Variants in OVOL2 observed in about 807,000 individuals in gnomAD.
OVOL2 encodes the protein transcription factor Ovo-like 2.
OVOL2 carries 13 observed loss-of-function variants against 18.1 expected under a neutral mutation model. That is an observed-to-expected ratio of 0.72 (90% confidence interval 0.47 to 1.14). The LOEUF is 1.14. OVOL2 is among the 50% of genes most tolerant of loss of function. The pLI, the probability that OVOL2 is intolerant of heterozygous loss-of-function variation, is 0.00. For missense variants in OVOL2, 335 were observed against 383.0 expected, an observed-to-expected ratio of 0.87 and a Z score of 1.05; for synonymous variants, 166 against 162.7, an observed-to-expected ratio of 1.02 and a Z score of -0.16.
intron 3 of OVOL2, among the ~76,000 whole-genome samples, chr20:18,027,034 T>C (rs990247827): frequency 6.6e-6 from 1 of 152,040 alleles, no homozygotes; most frequent in African/African-American, 2.4e-5. Context: ...CATCTGGACC[T>C]CAAATCTCAG....
chr20:18,031,166 GGCCACCGAAGA>G (rs2122692976), intron 3 of OVOL2, among the ~76,000 whole-genome samples: 1 of 152,330 alleles, frequency 6.6e-6, no homozygotes, highest in African/African-American at 2.4e-5. Context: ...GTGAGTCCAA[GGCCACCGAAGA>G]GCCAGGCTGC....
chr20:18,048,981 T>C (rs1360003495), intron 2 of OVOL2, among the ~76,000 whole-genome samples: 1 of 152,154 alleles, frequency 6.6e-6, no homozygotes, highest in Non-Finnish European at 1.5e-5. Flanking sequence ...ATTAACACTT[T>C]GCAAAAGGCT....
chr20:18,029,529 T>A (rs934118478), intron 3 of OVOL2, among the ~76,000 whole-genome samples: 1 of 152,122 alleles, frequency 6.6e-6, no homozygotes, highest in Non-Finnish European at 1.5e-5. Context: ...GGAGAGACGG[T>A]CTGGAGGGTG....
At chr20:18,038,311 T>C (rs1600441522) in intron 3 of OVOL2, among the ~76,000 whole-genome samples, 2 of 152,342 alleles carry the variant, frequency 1.3e-5, no homozygotes, top group African/African-American at 4.8e-5. Flanking sequence ...ACTTACAATA[T>C]AAGAAGCACT....
intron 2 of OVOL2, among the ~76,000 whole-genome samples, chr20:18,047,755 G>C (rs2036735712): frequency 6.9e-6 from 1 of 145,384 alleles, no homozygotes; most frequent in Non-Finnish European, 1.5e-5. Flanking sequence ...TTGGAAGGCT[G>C]AGGCAGGAGA....
intron 3 of OVOL2, among the ~76,000 whole-genome samples, chr20:18,033,965 C>T (rs1038376722): frequency 1.3e-5 from 2 of 152,152 alleles, no homozygotes; most frequent in African/African-American, 4.8e-5. Flanking sequence ...TTTTCACAGG[C>T]TATGAACTGA....
intron 3 of OVOL2, among the ~76,000 whole-genome samples, chr20:18,026,844 C>T (rs1256329867): frequency 5.3e-5 from 8 of 152,082 alleles, no homozygotes; most frequent in African/African-American, 1.9e-4. Flanking sequence ...CAGCACCCTA[C>T]ACTGGCGAAG....
At chr20:18,037,347 C>T (rs2036625227) in intron 3 of OVOL2, among the ~76,000 whole-genome samples, 1 of 152,196 alleles carries the variant, frequency 6.6e-6, no homozygotes. Flanking sequence ...CTGGTTTCCT[C>T]CTCTGCAAAA....
intron 3 of OVOL2, among the ~76,000 whole-genome samples, chr20:18,040,864 G>C (rs939808917): frequency 1.3e-5 from 2 of 152,186 alleles, no homozygotes; most frequent in African/African-American, 4.8e-5. Context: ...TGTCCCAAGA[G>C]AGAAGTATAA....
chr20:18,025,072 G>A, intron 3 of OVOL2, 120 bp from the exon 4 acceptor site: 1 of 1,195,764 alleles, frequency 8.4e-7, no homozygotes, highest in Non-Finnish European at 1.2e-6. Flanking sequence ...GAGGACAATG[G>A]TTACAGCAGG....
intron 3 of OVOL2, among the ~76,000 whole-genome samples, chr20:18,029,479 C>T (rs951060773): frequency 6.6e-6 from 1 of 152,180 alleles, no homozygotes; most frequent in Admixed American, 6.5e-5. Flanking sequence ...TTGGCATATG[C>T]ACGGATGTAC....
chr20:18,032,511 A>T (rs564595726), intron 3 of OVOL2, among the ~76,000 whole-genome samples: 94 of 151,800 alleles, frequency 6.2e-4, no homozygotes, highest in African/African-American at 2.1e-3. Flanking sequence ...TATTATTATT[A>T]TTATTATTAT....
Position 18,057,415 on chromosome 20 carries a change from C to G in OVOL2, c.100+120G>C. On this transcript the variant is annotated intron_variant, in intron 1 of 3. Transcript: ENST00000278780. The surrounding 1 kb of genome is among the most constrained non-coding windows in gnomAD (Gnocchi z 6.3). ...AACCCGCCTAGAAGACCCCCGCGTG[C>G]CCCCCGGAAGAGGGGGATGAGGTGG... 1 of 1,170,286 alleles carries G rather than the reference C, an allele frequency of 8.5e-7. No individual in the cohort carries two copies. Among genetic ancestry groups the G allele is most frequent in the Non-Finnish European group, 1.2e-6 (1 of 839,284 alleles). 72.5% of individuals were successfully genotyped at this position (1,170,286 alleles called of 1,614,324 possible). A position where few individuals can be genotyped will look rare whatever the true frequency, so the allele number is the denominator to read the frequency against.
rs1427614491 is a variant in OVOL2 at position 18,056,734 on chromosome 20, G to A, written c.244C>T (p.Pro82Ser). 1.3e-6 allele frequency: 2 copies of A among 1,483,338 alleles called. No individual in the cohort carries two copies. The highest frequency in any genetic ancestry group is 8.9e-7 in the Non-Finnish European group (1 of 1,124,064). 91.9% of individuals were successfully genotyped at this position (1,483,338 alleles called of 1,614,324 possible). ...GGGCCCTCGGCGTCGCCGGGCTCGG[G>A]GGTTTCGCTCTCGGGGGCGTGCGGG... ...SSPHAPESET[P>S]EPGDAEGPDG... Residue 82 changes from proline (P) to serine (S), a missense_variant, in exon 2 of 4, where the codon CCC (proline) becomes TCC (serine). Transcript: ENST00000278780. The surrounding 1 kb of genome is among the most constrained non-coding windows in gnomAD (Gnocchi z 4.2).
Position 18,024,964 on chromosome 20 carries a change from A to C in OVOL2, c.512-12T>G. The C allele has an allele frequency of 6.2e-7, 1 of 1,601,510 alleles. No homozygotes were observed. The highest frequency in any genetic ancestry group is 8.5e-7 in the Non-Finnish European group (1 of 1,170,622). ...GTAGGGACGAATGCCTGAAAGGATG[A>C]GGGACAGACACAGCATCGGTTGGTC... On this transcript the variant is annotated splice_polypyrimidine_tract_variant and intron_variant, in intron 3 of 3. Transcript: ENST00000278780.
intron 3 of OVOL2, among the ~76,000 whole-genome samples, chr20:18,034,626 T>TTCTCTC (rs11466923): frequency 0.014 from 2,001 of 138,066 alleles, 44 homozygotes; most frequent in African/African-American, 0.05. Flanking sequence ...CTTCCCCTCT[T>TTCTCTC]TCTCTCTCTC....
chr20:18,053,755 C>T (rs2036791583), intron 2 of OVOL2, among the ~76,000 whole-genome samples: 1 of 151,600 alleles, frequency 6.6e-6, no homozygotes, highest in Non-Finnish European at 1.5e-5. Context: ...CTTACATCAT[C>T]CAGAGCTTCT....
intron 2 of OVOL2, among the ~76,000 whole-genome samples, chr20:18,049,224 T>C (rs2036750387): frequency 6.6e-6 from 1 of 152,150 alleles, no homozygotes; most frequent in African/African-American, 2.4e-5. Context: ...AACAAACCAA[T>C]CATTGTCTCC....
intron 2 of OVOL2, among the ~76,000 whole-genome samples, chr20:18,048,999 GAGGTGGGGAAACTACCATAC>G (rs1292104491): frequency 1.3e-5 from 2 of 152,268 alleles, no homozygotes; most frequent in African/African-American, 4.8e-5. Flanking sequence ...GCTTATTAAC[GAGGTGGGGAAACTACCATAC>G]AGGGAGGGAA....
Sources: allele counts gnomAD v4.1 joint callset (sites outside exome capture counted in the v4.1 genomes callset), GRCh38; gene constraint gnomAD v4.1.1; non-coding constraint Gnocchi (gnomAD v3.1); transcripts MANE v1.5; gene names NCBI Gene and HGNC (gene_info 2026-07-23, HGNC 2026-07-21).